ASAP1: variants seen among roughly 807,000 people sequenced by gnomAD.
ASAP1 encodes the protein ArfGAP with SH3 domain, ankyrin repeat and PH domain 1.
A neutral mutation model predicts 145.2 loss-of-function variants in ASAP1; 43 were observed. That is an observed-to-expected ratio of 0.30 (90% CI 0.23 to 0.38). The LOEUF (loss-of-function observed/expected upper bound fraction) is 0.38. ASAP1 is among the 10% of genes least tolerant of loss of function. The probability of loss-of-function intolerance (pLI) is 1.00; values close to 1 mark genes in which losing one functional copy is unlikely to be tolerated. For synonymous variants in ASAP1, 546 were observed against 515.5 expected (o/e 1.06, Z -0.80); for missense variants, 1,018 against 1,355.3 (o/e 0.75, Z 3.91).
At chr8:130,323,170 C>T (rs960081884) in intron 3 of ASAP1, among the ~76,000 whole-genome samples, 2 of 152,146 alleles carry the variant, frequency 1.3e-5, no homozygotes, top group Admixed American at 1.3e-4. Context: ...ATTAAGACTC[C>T]GTTCTGGATC....
At chr8:130,249,183 G>A (rs1586680813) in intron 3 of ASAP1, among the ~76,000 whole-genome samples, 2 of 151,974 alleles carry the variant, frequency 1.3e-5, no homozygotes, top group African/African-American at 2.4e-5. Flanking sequence ...TCCATCTTCC[G>A]CACCATTGCA....
chr8:130,086,739 G>A (rs936554378), intron 25 of ASAP1, among the ~76,000 whole-genome samples: 1 of 152,210 alleles, frequency 6.6e-6, no homozygotes, highest in Non-Finnish European at 1.5e-5. Context: ...GTGAGGTGGA[G>A]GCTGCAGTGA....
chr8:130,092,168 A>G, intron 24 of ASAP1, 25 bp from the exon 25 acceptor site: 1 of 1,558,892 alleles, frequency 6.4e-7, no homozygotes, highest in Non-Finnish European at 8.6e-7. Context: ...GAATGGGGGC[A>G]GGAAGATTAA....
chr8:130,388,967 C>T (rs1207506100), intron 2 of ASAP1, among the ~76,000 whole-genome samples: 4 of 152,208 alleles, frequency 2.6e-5, no homozygotes, highest in African/African-American at 9.6e-5. Context: ...TTTTCCAAAC[C>T]TCTGTGAGCT....
chr8:130,438,929 T>C (rs933073177), intron 1 of ASAP1, among the ~76,000 whole-genome samples: 2 of 152,180 alleles, frequency 1.3e-5, no homozygotes, highest in Admixed American at 1.3e-4. Context: ...TGCAAAGATA[T>C]CCTCATCCTA....
chr8:130,221,025 A>C (rs1240755173), intron 4 of ASAP1, among the ~76,000 whole-genome samples: 2 of 152,060 alleles, frequency 1.3e-5, no homozygotes, highest in Non-Finnish European at 2.9e-5. Flanking sequence ...ATTCAAGATG[A>C]GATTTGGGTG....
chr8:130,104,077 G>A (rs1308229866), intron 24 of ASAP1, among the ~76,000 whole-genome samples: 2 of 152,080 alleles, frequency 1.3e-5, no homozygotes, highest in African/African-American at 4.8e-5. Flanking sequence ...TGCATCCATA[G>A]GGCATGATCT....
At chr8:130,219,858 T>C (rs1817186898) in intron 4 of ASAP1, among the ~76,000 whole-genome samples, 1 of 152,200 alleles carries the variant, frequency 6.6e-6, no homozygotes, top group South Asian at 2.1e-4. Context: ...GGCATGAACA[T>C]GGCTCACTGC....
At chr8:130,385,693 A>G (rs1290793273) in intron 2 of ASAP1, among the ~76,000 whole-genome samples, 3 of 152,178 alleles carry the variant, frequency 2.0e-5, no homozygotes, top group Non-Finnish European at 2.9e-5. Context: ...CTCTTCTGCC[A>G]TGTTGCTGAC....
chr8:130,202,026 T>C (rs1049205201), intron 5 of ASAP1, among the ~76,000 whole-genome samples: 3 of 152,182 alleles, frequency 2.0e-5, no homozygotes, highest in Non-Finnish European at 4.4e-5. Flanking sequence ...GTAGACATTA[T>C]TGTCTTCATT....
chr8:130,385,814 G>A (rs142356017), intron 2 of ASAP1, among the ~76,000 whole-genome samples: 94 of 152,290 alleles, frequency 6.2e-4, no homozygotes, highest in African/African-American at 2.1e-3. Context: ...GGGCATTTGC[G>A]GTTTTACTTC....
intron 2 of ASAP1, among the ~76,000 whole-genome samples, chr8:130,390,335 A>C (rs1411081948): frequency 1.3e-5 from 2 of 152,260 alleles, no homozygotes; most frequent in Admixed American, 6.5e-5. Flanking sequence ...TTTCATAGAA[A>C]GTTCTACTGG....
intron 3 of ASAP1, among the ~76,000 whole-genome samples, chr8:130,319,223 T>C (rs1052422425): frequency 3.9e-5 from 6 of 152,244 alleles, no homozygotes; most frequent in Admixed American, 2.6e-4. Context: ...TCATTTATGT[T>C]ACTGTTGCAT....
intron 2 of ASAP1, among the ~76,000 whole-genome samples, chr8:130,396,960 C>T (rs1224286250): frequency 6.6e-6 from 1 of 152,166 alleles, no homozygotes; most frequent in African/African-American, 2.4e-5. Context: ...GCTCAGAATT[C>T]AGCATTCAAT....
chr8:130,408,290 A>C (rs908141100), intron 1 of ASAP1, among the ~76,000 whole-genome samples: 14 of 152,226 alleles, frequency 9.2e-5, no homozygotes, highest in African/African-American at 3.1e-4. Flanking sequence ...TTAGCCTTTG[A>C]ATCAGGAGAC....
chr8:130,153,335 ATATATATATATATATATATATATG>A (rs201107687), intron 12 of ASAP1, among the ~76,000 whole-genome samples: 14,023 of 65,088 alleles, frequency 0.22, 1,105 homozygotes, highest in South Asian at 0.44. Flanking sequence ...CTTTTTAAAT[ATATATATATATATATATATATATG>A]TATATATATA....
At chr8:130,350,357 T>C (rs1825925912) in intron 3 of ASAP1, among the ~76,000 whole-genome samples, 2 of 152,172 alleles carry the variant, frequency 1.3e-5, no homozygotes, top group Non-Finnish European at 2.9e-5. Flanking sequence ...TTCTGTCTCA[T>C]CTTTGGGCCT....
intron 3 of ASAP1, among the ~76,000 whole-genome samples, chr8:130,331,277 A>G (rs1824670887): frequency 6.6e-6 from 1 of 152,188 alleles, no homozygotes; most frequent in Non-Finnish European, 1.5e-5. Context: ...TCACAATGTC[A>G]TCTTGCTCTT....
intron 24 of ASAP1, 42 bp downstream of exon 24, chr8:130,112,052 C>T (rs1281894383): frequency 1.9e-6 from 3 of 1,555,162 alleles, no homozygotes; most frequent in Non-Finnish European, 2.7e-6. Flanking sequence ...GAGTCACAAG[C>T]CCTTCGAGGA....
Sources: allele counts gnomAD v4.1 joint callset (sites outside exome capture counted in the v4.1 genomes callset), GRCh38; gene constraint gnomAD v4.1.1; transcripts MANE v1.5; gene names NCBI Gene and HGNC (gene_info 2026-07-23, HGNC 2026-07-21).